CDYL2: variants seen among roughly 807,000 people sequenced by gnomAD.
CDYL2 encodes chromodomain Y like 2, also known as chromodomain Y-like protein 2.
CDYL2 carries 23 observed loss-of-function variants against 49.4 expected under a neutral mutation model. The observed-to-expected ratio is 0.47, with a 90% CI of 0.34 to 0.66. The LOEUF (loss-of-function observed/expected upper bound fraction) is 0.66, where lower values mean the gene tolerates loss of function less well. Ranked by LOEUF, CDYL2 falls within the 30% of genes least tolerant of loss-of-function variation. The probability of loss-of-function intolerance (pLI) is 0.01; values close to 1 mark genes in which losing one functional copy is unlikely to be tolerated. For synonymous variants in CDYL2, 360 were observed against 268.8 expected (o/e 1.34, Z -3.32); for missense variants, 678 against 656.4 (o/e 1.03, Z -0.36).
chr16:80,751,880 C>T (rs1906148962), intron 1 of CDYL2, among the ~76,000 whole-genome samples: 1 of 152,114 alleles, frequency 6.6e-6, no homozygotes, highest in Admixed American at 6.5e-5. Context: ...CTCTTCTTTG[C>T]CTACTGGAGG....
chr16:80,713,095 T>G (rs1904675831), intron 1 of CDYL2, among the ~76,000 whole-genome samples: 1 of 152,158 alleles, frequency 6.6e-6, no homozygotes. Flanking sequence ...AGAATATCCC[T>G]TCAGAGACTG....
chr16:80,703,657 G>A (rs1285866593), intron 1 of CDYL2, among the ~76,000 whole-genome samples: 2 of 152,152 alleles, frequency 1.3e-5, no homozygotes, highest in Non-Finnish European at 2.9e-5. Flanking sequence ...TCTGGCTCAA[G>A]GAGAGGGACA....
At chr16:80,647,507 A>G (rs1908403086) in intron 2 of CDYL2, among the ~76,000 whole-genome samples, 1 of 152,162 alleles carries the variant, frequency 6.6e-6, no homozygotes, top group African/African-American at 2.4e-5. Context: ...TTTTAAATAT[A>G]TATATGCACC....
At chr16:80,788,462 A>G (rs113079435) in intron 1 of CDYL2, among the ~76,000 whole-genome samples, 2 of 152,358 alleles carry the variant, frequency 1.3e-5, no homozygotes, top group African/African-American at 4.8e-5. Context: ...TTTTTGTGCC[A>G]TAAGCATGGA....
chr16:80,793,825 C>T (rs886351765), intron 1 of CDYL2, among the ~76,000 whole-genome samples: 1 of 152,020 alleles, frequency 6.6e-6, no homozygotes, highest in East Asian at 1.9e-4. Flanking sequence ...CATTAACTTC[C>T]GAGAATAATA....
intron 1 of CDYL2, among the ~76,000 whole-genome samples, chr16:80,790,819 G>C (rs978034937): frequency 1.3e-5 from 2 of 152,138 alleles, no homozygotes; most frequent in African/African-American, 4.8e-5. Context: ...GCTGTGCTGA[G>C]CCTCCCTGCC....
At position 80,600,595 on chromosome 16, in the gene CDYL2, G is replaced by A. The variant is rs1906039340; in HGVS notation, c.*3793C>T. 1 of 152,162 alleles carries A rather than the reference G, an allele frequency of 6.6e-6. No individual in the cohort carries two copies. Among genetic ancestry groups the A allele is most frequent in the Non-Finnish European group, 1.5e-5 (1 of 68,008 alleles). 9.4% of individuals were successfully genotyped at this position (152,162 alleles called of 1,614,324 possible). ...AGAGTCTTAAATACTGTGTATATTA[G>A]TGAGAGTGTCTAAACTAATATATAC... On this transcript the variant is annotated 3_prime_UTR_variant, in exon 7 of 7. Coordinates refer to ENST00000570137, the MANE Select transcript of CDYL2 (RefSeq NM_152342.4).
Position 80,648,155 on chromosome 16 carries a change from A to C in CDYL2, c.617-14919T>G, listed in dbSNP as rs141837761. Among the ~76,000 whole-genome samples, 1,038 of 152,248 alleles carry C rather than the reference A, an allele frequency of 6.8e-3. 12 individuals carry two copies. The highest frequency in any genetic ancestry group is 0.01 in the Middle Eastern group (3 of 294). On this transcript the variant is annotated intron_variant, in intron 2 of 6. Coordinates refer to ENST00000570137, the MANE Select transcript of CDYL2 (RefSeq NM_152342.4). The stretch of plus-strand genomic sequence containing the variant: ...AAATTAGTAGATGAAAAAAATAATA[A>C]AGATCAGAGTGGAAATAGATAAAAT...
At chr16:80,687,413 A>G (rs1910241019) in intron 1 of CDYL2, among the ~76,000 whole-genome samples, 2 of 151,868 alleles carry the variant, frequency 1.3e-5, no homozygotes, top group African/African-American at 4.8e-5. Flanking sequence ...TGGGTGGATG[A>G]ATGGATGAAT....
chr16:80,746,713 G>A (rs930353514), intron 1 of CDYL2, among the ~76,000 whole-genome samples: 6 of 152,108 alleles, frequency 3.9e-5, no homozygotes, highest in African/African-American at 1.4e-4. Flanking sequence ...GAGGGTGTGG[G>A]GCAGGGGGAG....
intron 2 of CDYL2, among the ~76,000 whole-genome samples, chr16:80,675,809 T>G (rs1909721202): frequency 6.6e-6 from 1 of 152,128 alleles, no homozygotes; most frequent in African/African-American, 2.4e-5. Flanking sequence ...CGCTTACTGC[T>G]TGCTCCTGGG....
chr16:80,772,661 C>T (rs1301915830), intron 1 of CDYL2, among the ~76,000 whole-genome samples: 1 of 152,084 alleles, frequency 6.6e-6, no homozygotes, highest in African/African-American at 2.4e-5. Flanking sequence ...CCGTGTTAGC[C>T]AGGATGGTCT....
intron 1 of CDYL2, among the ~76,000 whole-genome samples, chr16:80,707,794 C>T (rs764610071): frequency 6.6e-6 from 1 of 152,146 alleles, no homozygotes; most frequent in Non-Finnish European, 1.5e-5. Flanking sequence ...TTTATCTGAA[C>T]CCTGGCTCAG....
rs76466291 is a variant in CDYL2 at position 80,789,026 on chromosome 16, A to G, written c.24+15124T>C. ...CAAAAATATATATTAAAAAATGCTC[A>G]ACATCACTAATCATCAGAGAATTCA... On this transcript the variant is annotated intron_variant, in intron 1 of 6. Coordinates refer to ENST00000570137, the MANE Select transcript of CDYL2 (RefSeq NM_152342.4). 3.7e-3 allele frequency among the ~76,000 whole-genome samples: 556 copies of G among 152,318 alleles called. 7 individuals are homozygous for G. The highest frequency in any genetic ancestry group is 0.013 in the African/African-American group (544 of 41,564).
At position 80,603,710 on chromosome 16, in the gene CDYL2, AGTTT is replaced by A. The variant is rs1231146045; in HGVS notation, c.*674_*677del. 2 of 152,682 alleles carry A rather than the reference AGTTT, an allele frequency of 1.3e-5. No homozygotes were observed. Among genetic ancestry groups the A allele is most frequent in the Non-Finnish European group, 2.9e-5 (2 of 68,040 alleles). The allele number at this position is 152,682 out of a possible 1,614,324, so 9.5% of individuals were successfully genotyped here. A position where few individuals can be genotyped will look rare whatever the true frequency, so the allele number is the denominator to read the frequency against. On this transcript the variant is annotated 3_prime_UTR_variant, in exon 7 of 7. Transcript: ENST00000570137. ...AGGAAAGAAAAAACATTTCCCTAGTAGTTTGTTTTTGCAAAACTAGCTTTACATA... is the reference window on the plus strand; with the variant it reads ...AGGAAAGAAAAAACATTTCCCTAGTAGTTTTTGCAAAACTAGCTTTACATA...
At chr16:80,771,978 G>C (rs1025371133) in intron 1 of CDYL2, among the ~76,000 whole-genome samples, 1 of 152,082 alleles carries the variant, frequency 6.6e-6, no homozygotes, top group African/African-American at 2.4e-5. Context: ...GGGAGAATAA[G>C]GAGAAAGAGG....
chr16:80,628,656 T>G (rs1359275054), intron 3 of CDYL2, among the ~76,000 whole-genome samples: 1 of 146,884 alleles, frequency 6.8e-6, no homozygotes, highest in Non-Finnish European at 1.5e-5. Context: ...ATGCTAAGTT[T>G]AAAACAATCT....
chr16:80,802,924 T>A (rs1310096668), intron 1 of CDYL2, among the ~76,000 whole-genome samples: 1 of 152,222 alleles, frequency 6.6e-6, no homozygotes, highest in Non-Finnish European at 1.5e-5. Context: ...GGTGCTTATC[T>A]CAATGGAGCC....
chr16:80,692,403 G>C (rs528275883), intron 1 of CDYL2, among the ~76,000 whole-genome samples: 1 of 152,156 alleles, frequency 6.6e-6, no homozygotes, highest in Non-Finnish European at 1.5e-5. Flanking sequence ...TGGTCCTTCA[G>C]ATGAGAACGG....
Sources: allele counts gnomAD v4.1 joint callset (sites outside exome capture counted in the v4.1 genomes callset), GRCh38; gene constraint gnomAD v4.1.1; transcripts MANE v1.5; gene names NCBI Gene and HGNC (gene_info 2026-07-23, HGNC 2026-07-21).